Variants in ZNF208 observed in about 807,000 individuals in gnomAD.
The protein encoded by ZNF208 is zinc finger protein 95.
Under a neutral mutation model 12.1 loss-of-function variants are expected in ZNF208, and 10 were observed. That is an observed-to-expected ratio of 0.83 (90% confidence interval 0.51 to 1.40). ZNF208 has a LOEUF of 1.40. Ranked by LOEUF, ZNF208 falls within the 40% of genes most tolerant of loss-of-function variation. ZNF208 has a pLI of 0.00. For synonymous variants in ZNF208, 497 were observed against 488.4 expected, an observed-to-expected ratio of 1.02 and a Z score of -0.23; for missense variants, 1,652 against 1,485.0, an observed-to-expected ratio of 1.11 and a Z score of -1.85.
intron 1 of ZNF208, chr19:21,998,843 T>C (rs1303808039): frequency 6.6e-6 from 1 of 152,220 alleles, no homozygotes; most frequent in Non-Finnish European, 1.5e-5. Flanking sequence ...CACCAGCACT[T>C]TTTTATAAAA....
At chr19:21,963,544 C>T (rs1333466953), downstream of ZNF208, among the ~76,000 whole-genome samples, 1 of 151,920 alleles carries the variant, frequency 6.6e-6, no homozygotes, top group Non-Finnish European at 1.5e-5. Flanking sequence ...AAAAAAGGTG[C>T]TGAGTGGAGG....
intron 1 of ZNF208, among the ~76,000 whole-genome samples, chr19:22,007,687 A>G (rs1054498058): frequency 2.6e-5 from 4 of 151,732 alleles, no homozygotes; most frequent in African/African-American, 7.3e-5. Context: ...CCTACTAATA[A>G]AATGCAATTT....
At chr19:22,000,027 G>T (rs1254571306) in intron 1 of ZNF208, among the ~76,000 whole-genome samples, 1 of 152,104 alleles carries the variant, frequency 6.6e-6, no homozygotes, top group Non-Finnish European at 1.5e-5. Context: ...AGAGGAAGGT[G>T]TTATAAAAAA....
intron 1 of ZNF208, among the ~76,000 whole-genome samples, chr19:22,001,737 C>CA (rs977876755): frequency 6.6e-6 from 1 of 150,792 alleles, no homozygotes; most frequent in African/African-American, 2.4e-5. Context: ...TAAAAACACA[C>CA]AAAAAATTAG....
downstream of ZNF208, among the ~76,000 whole-genome samples, chr19:21,963,235 T>A (rs540073014): frequency 4.1e-4 from 62 of 152,090 alleles, no homozygotes; most frequent in Non-Finnish European, 7.8e-4. Context: ...ATTAGTAAAA[T>A]AAAATTCTTA....
At chr19:21,986,181 T>G (rs926905338) in intron 3 of ZNF208, among the ~76,000 whole-genome samples, 3 of 152,106 alleles carry the variant, frequency 2.0e-5, no homozygotes, top group Admixed American at 1.3e-4. Flanking sequence ...GGAAGAAAAA[T>G]TAGTCAAAAA....
At chr19:21,984,853 A>T (rs1315177100) in intron 3 of ZNF208, among the ~76,000 whole-genome samples, 1 of 152,218 alleles carries the variant, frequency 6.6e-6, no homozygotes, top group Non-Finnish European at 1.5e-5. Context: ...AGACATTCCA[A>T]GCCACAGAAT....
Position 22,001,502 on chromosome 19 carries a change from T to G in ZNF208, c.3+9290A>C, listed in dbSNP as rs544259115. Among the ~76,000 whole-genome samples, 1,167 of 152,306 alleles carry G rather than the reference T, an allele frequency of 7.7e-3. 9 individuals are homozygous for G. The highest frequency in any genetic ancestry group is 0.026 in the African/African-American group (1,093 of 41,558). On this transcript the variant is annotated intron_variant, in intron 1 of 3. Coordinates refer to ENST00000397126, the MANE Select transcript of ZNF208 (RefSeq NM_007153.3). ...GAAGAAACTCCTCTCCAACTCATTATGTAAGAACAGCATCATTCTGATACC... is the reference window on the plus strand; with the variant it reads ...GAAGAAACTCCTCTCCAACTCATTAGGTAAGAACAGCATCATTCTGATACC...
At chr19:21,979,126 A>G (rs1393414098) in intron 3 of ZNF208, among the ~76,000 whole-genome samples, 1 of 152,238 alleles carries the variant, frequency 6.6e-6, no homozygotes, top group Non-Finnish European at 1.5e-5. Context: ...AGTGACAGGG[A>G]GAATGGAACC....
rs1392659419 is a variant in ZNF208 at position 21,969,588 on chromosome 19, GA to G, written c.*1602del. Reference sequence around the variant, plus strand: ...TTGTGTTTTATAATCTGTAGTTTTTGAAAAAATGTTTTTCCAAATTTATTAA... The same window carrying G: ...TTGTGTTTTATAATCTGTAGTTTTTGAAAAATGTTTTTCCAAATTTATTAA... On this transcript the variant is annotated 3_prime_UTR_variant, in exon 4 of 4. Transcript: ENST00000397126. Among the ~76,000 whole-genome samples, 2 of 151,882 alleles carry G rather than the reference GA, an allele frequency of 1.3e-5. No homozygotes were observed. The highest frequency in any genetic ancestry group is 2.9e-5 in the Non-Finnish European group (2 of 67,956).
chr19:21,959,828 GT>G (rs1219492793), intron 4 of ZNF208, among the ~76,000 whole-genome samples: 1 of 152,098 alleles, frequency 6.6e-6, no homozygotes, highest in Non-Finnish European at 1.5e-5. Flanking sequence ...TCAGAAGAAG[GT>G]AACTTGAAGT....
At chr19:21,992,954 TCTCCTTCTC>T (rs1568453807) in intron 1 of ZNF208, among the ~76,000 whole-genome samples, 1 of 152,160 alleles carries the variant, frequency 6.6e-6, no homozygotes, top group East Asian at 1.9e-4. Flanking sequence ...GCCATTTTTT[TCTCCTTCTC>T]CTCCTTCTCT....
At chr19:22,006,587 A>G (rs1456351606) in intron 1 of ZNF208, among the ~76,000 whole-genome samples, 4 of 152,040 alleles carry the variant, frequency 2.6e-5, no homozygotes, top group Non-Finnish European at 5.9e-5. Flanking sequence ...CTCACTATAG[A>G]GGCTTCTTCC....
chr19:21,985,125 T>C (rs1970611767), intron 3 of ZNF208, among the ~76,000 whole-genome samples: 3 of 152,158 alleles, frequency 2.0e-5, no homozygotes, highest in Non-Finnish European at 4.4e-5. Flanking sequence ...GATAACATTA[T>C]GCAAAATGAA....
chr19:21,979,229 A>G lies in ZNF208; in HGVS notation c.227-4422T>C, dbSNP rs989737317. The stretch of plus-strand genomic sequence containing the variant: ...TTCAAATTCAGAAAATACAGAGAAC[A>G]CCACAAAGATGCTCCTCGAGAAGAG... On this transcript the variant is annotated intron_variant, in intron 3 of 3. Coordinates refer to ENST00000397126, the MANE Select transcript of ZNF208 (RefSeq NM_007153.3). Among the ~76,000 whole-genome samples, 18 of 152,266 alleles carry G rather than the reference A, an allele frequency of 1.2e-4. 1 individual carries two copies. In the South Asian group the frequency reaches 3.3e-3, roughly 28 times the overall value.
chr19:21,995,478 A>G (rs554161142), intron 1 of ZNF208, among the ~76,000 whole-genome samples: 1 of 152,184 alleles, frequency 6.6e-6, no homozygotes, highest in Non-Finnish European at 1.5e-5. Flanking sequence ...AGCCTGACAC[A>G]ATTCTGTTCT....
intron 1 of ZNF208, among the ~76,000 whole-genome samples, chr19:22,010,496 C>G (rs558216207): frequency 6.6e-6 from 1 of 152,338 alleles, no homozygotes; most frequent in Non-Finnish European, 1.5e-5. Context: ...TCTCACGACC[C>G]TCTCATGGTC....
In ZNF208 at chr19:21,970,412, A is replaced by G. The variant is rs1488036019; in HGVS notation, c.*779T>C. Among the ~76,000 whole-genome samples, 1 of 152,204 alleles carries G rather than the reference A, an allele frequency of 6.6e-6. No homozygotes were observed. Among genetic ancestry groups the G allele is most frequent in the Non-Finnish European group, 1.5e-5 (1 of 68,010 alleles). On this transcript the variant is annotated 3_prime_UTR_variant, in exon 4 of 4. Transcript: ENST00000397126. Reference sequence around the variant, plus strand: ...TAGTAAGGATTGAGGAATAGCTAAAAGGCTTGCCACATTCTTCAGATTTGT... The same window carrying G: ...TAGTAAGGATTGAGGAATAGCTAAAGGGCTTGCCACATTCTTCAGATTTGT...
intron 4 of ZNF208, chr19:21,941,133 A>C (rs1969733104): frequency 5.2e-6 from 2 of 383,308 alleles, no homozygotes; most frequent in Non-Finnish European, 9.2e-6. Flanking sequence ...CGCCAAGAAC[A>C]GAAGAACGGA....
Sources: allele counts gnomAD v4.1 joint callset (sites outside exome capture counted in the v4.1 genomes callset), GRCh38; gene constraint gnomAD v4.1.1; transcripts MANE v1.5; gene names NCBI Gene and HGNC (gene_info 2026-07-23, HGNC 2026-07-21).